Variants in DRC7 observed in about 807,000 individuals in gnomAD.
The protein encoded by DRC7 is coiled-coil domain containing 135.
In DRC7, 80 loss-of-function variants were observed where a neutral mutation model predicts 104.4. The observed-to-expected ratio is 0.77, with a 90% CI of 0.64 to 0.92. DRC7 has a LOEUF of 0.92. Among genes scored for constraint, DRC7 ranks in the 40% least tolerant of loss-of-function variants. DRC7 has a pLI of 0.00. For synonymous variants in DRC7, 405 were observed against 447.3 expected, an observed-to-expected ratio of 0.91 and a Z score of 1.19; for missense variants, 1,034 against 1,141.1, an observed-to-expected ratio of 0.91 and a Z score of 1.35.
intron 6 of DRC7, among the ~76,000 whole-genome samples, chr16:57,702,998 C>T (rs2048675584): frequency 6.6e-6 from 1 of 152,006 alleles, no homozygotes; most frequent in African/African-American, 2.4e-5. Flanking sequence ...GTCCTCCTGC[C>T]TCAGCCTCCC....
intron 9 of DRC7, among the ~76,000 whole-genome samples, 170 bp from the exon 10 acceptor site, chr16:57,721,497 C>T (rs2048901734): frequency 6.6e-6 from 1 of 152,058 alleles, no homozygotes; most frequent in Admixed American, 6.5e-5. Flanking sequence ...TGCCCAGAGT[C>T]GACTCCTCCT....
intron 8 of DRC7, among the ~76,000 whole-genome samples, chr16:57,716,283 A>C (rs1474743703): frequency 5.3e-5 from 8 of 152,182 alleles, no homozygotes; most frequent in Non-Finnish European, 8.8e-5. Context: ...TAGGTGGATC[A>C]CTTGAGGCCA....
intron 8 of DRC7, among the ~76,000 whole-genome samples, chr16:57,711,505 C>T (rs2048790878): frequency 6.6e-6 from 1 of 152,212 alleles, no homozygotes; most frequent in Admixed American, 6.5e-5. Flanking sequence ...GAAGTGGCAG[C>T]GTACGGCAGC....
At chr16:57,722,888 G>A in intron 11 of DRC7, 47 bp downstream of exon 11, 1 of 1,612,530 alleles carries the variant, frequency 6.2e-7, no homozygotes. Flanking sequence ...CCCAGGGGCG[G>A]GGGCGGCTTC....
At chr16:57,724,864 T>G in intron 13 of DRC7, 29 bp downstream of exon 13, 1 of 1,561,992 alleles carries the variant, frequency 6.4e-7, no homozygotes, top group Non-Finnish European at 8.7e-7. Flanking sequence ...TGGGGACAGG[T>G]CGCCCTCCTT....
intron 8 of DRC7, chr16:57,707,945 C>T (rs2048751055): frequency 2.0e-6 from 1 of 505,134 alleles, no homozygotes; most frequent in Non-Finnish European, 3.6e-6. Flanking sequence ...TGAAGTGTAA[C>T]CTACATGCAG....
intron 17 of DRC7, among the ~76,000 whole-genome samples, chr16:57,728,922 G>A (rs1185935356): frequency 2.7e-5 from 4 of 149,982 alleles, no homozygotes; most frequent in Admixed American, 2.7e-4. Flanking sequence ...GGATGGGTGG[G>A]TGCATGAACA....
chr16:57,726,885 G>T lies in DRC7; in HGVS notation c.2028G>T (p.Met676Ile), dbSNP rs1480072081. 6.2e-7 allele frequency: 1 copy of T among 1,613,238 alleles called. No individual in the cohort carries two copies. Among genetic ancestry groups the T allele is most frequent in the African/African-American group, 1.3e-5 (1 of 74,908 alleles). Residue 676 changes from methionine to isoleucine, a missense_variant, in exon 15 of 19, where the codon ATG (methionine) becomes ATT (isoleucine). Coordinates refer to ENST00000360716, the MANE Select transcript of DRC7 (RefSeq NM_001289162.2). ...TGCTCTACCAGTACGAGGCCATGAT[G>T]CACCTGAAGAGGGAGGAGAAGCTGT... is the stretch of plus-strand genomic sequence containing the variant. Reference protein sequence around the residue: ...KKLLYQYEAMMHLKREEKLSR... With the variant: ...KKLLYQYEAMIHLKREEKLSR...
chr16:57,706,193 TATCCTCCCATCCACCC>T (rs2048722564), intron 7 of DRC7, among the ~76,000 whole-genome samples: 1 of 73,856 alleles, frequency 1.4e-5, no homozygotes, highest in African/African-American at 5.4e-5. Flanking sequence ...CTCATCCATC[TATCCTCCCATCCACCC>T]ATCCTCCCAT....
At chr16:57,711,700 T>C (rs2048792904) in intron 8 of DRC7, among the ~76,000 whole-genome samples, 1 of 152,228 alleles carries the variant, frequency 6.6e-6, no homozygotes, top group Non-Finnish European at 1.5e-5. Context: ...TTGTTATTAC[T>C]CAAATCAGTC....
chr16:57,699,416 T>A (rs1022293777), intron 4 of DRC7, among the ~76,000 whole-genome samples: 1 of 152,110 alleles, frequency 6.6e-6, no homozygotes, highest in Non-Finnish European at 1.5e-5. Context: ...GGTCTGTGGG[T>A]CCCTGTCAGC....
intron 17 of DRC7, among the ~76,000 whole-genome samples, chr16:57,729,029 G>A (rs2049010368): frequency 6.8e-6 from 1 of 147,894 alleles, no homozygotes; most frequent in African/African-American, 2.6e-5. Context: ...TATAGGTATG[G>A]ATAGGTGGGT....
chr16:57,730,824 G>A, intron 17 of DRC7, 107 bp from the exon 18 acceptor site: 3 of 1,257,626 alleles, frequency 2.4e-6, no homozygotes, highest in Non-Finnish European at 3.3e-6. Flanking sequence ...GGGGACACTG[G>A]GGCCAACCGT....
chr16:57,720,415 G>T (rs2048890537), intron 9 of DRC7, among the ~76,000 whole-genome samples: 1 of 152,238 alleles, frequency 6.6e-6, no homozygotes, highest in Non-Finnish European at 1.5e-5. Flanking sequence ...GGGACATCTT[G>T]TGTGCAGTAA....
chr16:57,719,033 G>C (rs532519490), intron 9 of DRC7, among the ~76,000 whole-genome samples: 131 of 150,552 alleles, frequency 8.7e-4, no homozygotes, highest in Non-Finnish European at 1.4e-3. Context: ...GCAGAGCGGG[G>C]TCATAACACC....
In DRC7 at chr16:57,700,924, A is replaced by G. The variant is rs150693718; in HGVS notation, c.504+654A>G. On this transcript the variant is annotated intron_variant, in intron 5 of 18. Coordinates refer to ENST00000360716, the MANE Select transcript of DRC7 (RefSeq NM_001289162.2). ...TTCTAGGGTTGTTTTGCAGCATTTT[A>G]TTGCAACCCACAATGCATTGCAATC... 1.9e-3 allele frequency among the ~76,000 whole-genome samples: 284 copies of G among 152,196 alleles called. 5 individuals are homozygous for G. The South Asian group carries it at 0.032, about 17-fold the overall frequency.
intron 17 of DRC7, among the ~76,000 whole-genome samples, chr16:57,729,241 G>T (rs1252862245): frequency 1.4e-5 from 2 of 146,968 alleles, no homozygotes; most frequent in Admixed American, 1.4e-4. Flanking sequence ...TGGGTGGATA[G>T]ATGAGTGGGT....
chr16:57,702,773 GC>G (rs1406547941), intron 6 of DRC7, among the ~76,000 whole-genome samples: 1 of 152,196 alleles, frequency 6.6e-6, no homozygotes, highest in African/African-American at 2.4e-5. Context: ...TTGCACTCCA[GC>G]CTGGGTGACA....
intron 4 of DRC7, 39 bp from the exon 5 acceptor site, chr16:57,700,106 A>G: frequency 1.9e-6 from 3 of 1,600,664 alleles, no homozygotes; most frequent in Middle Eastern, 1.7e-4. Context: ...ACAAGTTCTT[A>G]TTGCCTTGAC....
Sources: allele counts gnomAD v4.1 joint callset (sites outside exome capture counted in the v4.1 genomes callset), GRCh38; gene constraint gnomAD v4.1.1; transcripts MANE v1.5; gene names NCBI Gene and HGNC (gene_info 2026-07-23, HGNC 2026-07-21).